Variants in AIG1 observed in about 807,000 individuals in gnomAD.
The protein encoded by AIG1 is androgen induced 1, also known as androgen-induced gene 1 protein.
Under a neutral mutation model 31.4 loss-of-function variants are expected in AIG1, and 23 were observed. That is an observed-to-expected ratio of 0.73 (90% CI 0.53 to 1.04). The LOEUF (loss-of-function observed/expected upper bound fraction) is 1.04. Among genes scored for constraint, AIG1 ranks in the 50% least tolerant of loss-of-function variants. The probability of loss-of-function intolerance (pLI) is 0.00; values close to 1 mark genes in which losing one functional copy is unlikely to be tolerated. For synonymous variants in AIG1, 100 were observed against 110.5 expected, an observed-to-expected ratio of 0.90 and a Z score of 0.60; for missense variants, 274 against 295.0, an observed-to-expected ratio of 0.93 and a Z score of 0.52.
chr6:143,187,728 A>G, intron 3 of AIG1: 1 of 1,535,978 alleles, frequency 6.5e-7, no homozygotes, highest in Admixed American at 2.0e-5. Context: ...GCAATGACTA[A>G]AGGATTGACC....
At position 143,279,096 on chromosome 6, in the gene AIG1, G is replaced by A. The variant is rs1160139698; in HGVS notation, c.400-5014G>A. ...AGTCCCTTCTTACATTAGTGTGTAC[G>A]TGTGTATACGTATATGATGTTTTAT... On this transcript the variant is annotated intron_variant, in intron 3 of 5. Coordinates refer to ENST00000357847, the MANE Select transcript of AIG1 (RefSeq NM_016108.4). This position sits in a 1 kb window ranked among gnomAD's most constrained non-coding sequence, Gnocchi z 5.4. Among the ~76,000 whole-genome samples the A allele has an allele frequency of 1.3e-5, 2 of 152,244 alleles. No homozygotes were observed. Among genetic ancestry groups the A allele is most frequent in the African/African-American group, 2.4e-5 (1 of 41,554 alleles).
intron 3 of AIG1, among the ~76,000 whole-genome samples, chr6:143,275,866 G>A (rs1209790806): frequency 1.3e-5 from 2 of 152,154 alleles, no homozygotes; most frequent in Admixed American, 6.5e-5. Flanking sequence ...GGAAATCTTC[G>A]TGGAAGAAAG....
intron 3 of AIG1, among the ~76,000 whole-genome samples, chr6:143,210,065 T>C (rs1791465456): frequency 6.6e-6 from 1 of 152,182 alleles, no homozygotes; most frequent in Admixed American, 6.5e-5. Context: ...GGAGGTAATT[T>C]AATCATGGGG....
rs942839056 is a variant in AIG1, at chr6:143,329,311, A to G, written c.516-3971A>G. 3.3e-5 allele frequency among the ~76,000 whole-genome samples: 5 copies of G among 152,224 alleles called. No individual in the cohort carries two copies. The highest frequency in any genetic ancestry group is 1.2e-4 in the African/African-American group (5 of 41,456). The stretch of plus-strand genomic sequence containing the variant: ...TTGCCAGTTTTATGATAAGTTCTTT[A>G]GTCTGATCTCAGTTTCTTTACCTGT... On this transcript the variant is annotated intron_variant, in intron 4 of 5. Transcript: ENST00000357847. The surrounding 1 kb of genome is among the most constrained non-coding windows in gnomAD (Gnocchi z 4.9).
intron 3 of AIG1, among the ~76,000 whole-genome samples, chr6:143,182,614 T>G (rs1282822142): frequency 1.3e-5 from 2 of 152,164 alleles, no homozygotes; most frequent in Non-Finnish European, 2.9e-5. Flanking sequence ...CTGCTCCCCC[T>G]TCCCATGGCA....
intron 3 of AIG1, among the ~76,000 whole-genome samples, chr6:143,274,134 G>A (rs190200480): frequency 6.6e-6 from 1 of 152,264 alleles, no homozygotes; most frequent in Non-Finnish European, 1.5e-5. Flanking sequence ...GATGAGAGAC[G>A]ATTTCAGGTT....
At chr6:143,127,945 C>A (rs1034813057) in intron 1 of AIG1, among the ~76,000 whole-genome samples, 3 of 152,076 alleles carry the variant, frequency 2.0e-5, no homozygotes, top group East Asian at 3.9e-4. Context: ...GCCTTGGCCT[C>A]CAAAAATGCT....
At chr6:143,296,568 A>G (rs1000955362) in intron 4 of AIG1, among the ~76,000 whole-genome samples, 2 of 152,148 alleles carry the variant, frequency 1.3e-5, no homozygotes, top group East Asian at 3.9e-4. Flanking sequence ...AGAGGAAACC[A>G]GTCCCCAGGC....
intron 2 of AIG1, among the ~76,000 whole-genome samples, chr6:143,163,096 G>C (rs955272401): frequency 1.3e-5 from 2 of 152,126 alleles, no homozygotes; most frequent in East Asian, 1.9e-4. Context: ...AAGCTTTCAG[G>C]TGACATGAGT....
Position 143,331,779 on chromosome 6 carries a change from T to C in AIG1, c.516-1503T>C, listed in dbSNP as rs1262856285. ...AGAGGGGGGATCTCACCCTCATTGA[T>C]AACGCAGGTTCTCAGGTATAGATCC... is the stretch of plus-strand genomic sequence containing the variant. On this transcript the variant is annotated intron_variant, in intron 4 of 5. Coordinates refer to ENST00000357847, the MANE Select transcript of AIG1 (RefSeq NM_016108.4). This position sits in a 1 kb window ranked among gnomAD's most constrained non-coding sequence, Gnocchi z 4.1. Among the ~76,000 whole-genome samples, 1 of 151,678 alleles carries C rather than the reference T, an allele frequency of 6.6e-6. No homozygotes were observed. The highest frequency in any genetic ancestry group is 1.5e-5 in the Non-Finnish European group (1 of 67,948).
At chr6:143,160,562 T>C (rs1562442097) in intron 2 of AIG1, among the ~76,000 whole-genome samples, 1 of 152,162 alleles carries the variant, frequency 6.6e-6, no homozygotes, top group East Asian at 1.9e-4. Context: ...AAGCAGCAGG[T>C]GTAGGATGAG....
At chr6:143,188,673 A>G in intron 3 of AIG1, 1 of 984,400 alleles carries the variant, frequency 1.0e-6, no homozygotes, top group Non-Finnish European at 1.2e-6. Context: ...ATAAATAAAT[A>G]GGACCATCCA....
At chr6:143,250,830 G>A (rs1021659470) in intron 3 of AIG1, among the ~76,000 whole-genome samples, 1 of 152,016 alleles carries the variant, frequency 6.6e-6, no homozygotes, top group African/African-American at 2.4e-5. Flanking sequence ...GTTTTTTTGC[G>A]ATTTATTTTT....
intron 3 of AIG1, among the ~76,000 whole-genome samples, chr6:143,251,267 G>A (rs1371784410): frequency 2.0e-5 from 3 of 152,060 alleles, no homozygotes; most frequent in Admixed American, 6.5e-5. Context: ...GGCCAGGCTG[G>A]TCTCGAACTC....
intron 1 of AIG1, among the ~76,000 whole-genome samples, chr6:143,070,133 A>G (rs1777118673): frequency 6.6e-6 from 1 of 152,180 alleles, no homozygotes; most frequent in South Asian, 2.1e-4. Flanking sequence ...TTCTTTTTCA[A>G]AATTTGTTTA....
intron 3 of AIG1, chr6:143,188,296 T>C: frequency 2.0e-6 from 2 of 986,164 alleles, no homozygotes; most frequent in Non-Finnish European, 2.4e-6. Flanking sequence ...TGTTAATTGA[T>C]GTTGACACCA....
At chr6:143,342,309 CGCA>C, downstream of AIG1, 4 of 682,238 alleles carry the variant, frequency 5.9e-6, no homozygotes, top group East Asian at 8.2e-5. Context: ...TCCCCTGGTG[CGCA>C]GCAGCAGCTG....
At chr6:143,168,486 C>A (rs1288845218) in intron 3 of AIG1, among the ~76,000 whole-genome samples, 1 of 150,656 alleles carries the variant, frequency 6.6e-6, no homozygotes, top group Non-Finnish European at 1.5e-5. Context: ...CAATTCCCAC[C>A]TATGAGTGAG....
In AIG1 at chr6:143,291,120, T is replaced by C. The variant is rs999331485; in HGVS notation, c.515+6895T>C. Among the ~76,000 whole-genome samples the C allele has an allele frequency of 2.6e-5, 4 of 152,188 alleles. No individual in the cohort carries two copies. Among genetic ancestry groups the C allele is most frequent in the African/African-American group, 9.7e-5 (4 of 41,440 alleles). ...TAGGAAGCTGACTCGTTAGCCTTCC[T>C]TATATCTCCTATTTAAGCAAGGAAA... On this transcript the variant is annotated intron_variant, in intron 4 of 5. Transcript: ENST00000357847. The surrounding 1 kb of genome is among the most constrained non-coding windows in gnomAD (Gnocchi z 4.2).
Sources: allele counts gnomAD v4.1 joint callset (sites outside exome capture counted in the v4.1 genomes callset), GRCh38; gene constraint gnomAD v4.1.1; non-coding constraint Gnocchi (gnomAD v3.1); transcripts MANE v1.5; gene names NCBI Gene and HGNC (gene_info 2026-07-23, HGNC 2026-07-21).